RGL1: variants seen among roughly 807,000 people sequenced by gnomAD.
RGL1 encodes the protein ral guanine nucleotide dissociation stimulator like 1, also known as ral guanine nucleotide dissociation stimulator-like 1.
In RGL1, 24 loss-of-function variants were observed where a neutral mutation model predicts 95.2. The ratio of observed to expected loss-of-function variants is 0.25; its 90% CI spans 0.18 to 0.35. The LOEUF is 0.35. RGL1 is among the 10% of genes least tolerant of loss of function. The probability of loss-of-function intolerance (pLI) is 1.00; values close to 1 mark genes in which losing one functional copy is unlikely to be tolerated. For missense variants in RGL1, 715 were observed against 936.3 expected (o/e 0.76, Z 3.08); for synonymous variants, 329 against 344.9 (o/e 0.95, Z 0.51).
At chr1:183,774,525 A>G (rs1452348821) in intron 2 of RGL1, among the ~76,000 whole-genome samples, 1 of 150,308 alleles carries the variant, frequency 6.7e-6, no homozygotes, top group Non-Finnish European at 1.5e-5. Context: ...ATAGAAATTA[A>G]CCCTTCTGGT....
intron 1 of RGL1, among the ~76,000 whole-genome samples, chr1:183,711,404 G>A (rs1232284833): frequency 1.3e-5 from 2 of 152,136 alleles, no homozygotes; most frequent in Admixed American, 1.3e-4. Context: ...TCAGTGAGCA[G>A]TTTTCTGGGA....
intron 1 of RGL1, among the ~76,000 whole-genome samples, chr1:183,707,973 A>T (rs1176288190): frequency 6.6e-6 from 1 of 152,160 alleles, no homozygotes; most frequent in Admixed American, 6.5e-5. Context: ...TTGTGATCTG[A>T]GTGCAAAAAG....
At chr1:183,735,669 A>G (rs1055070943) in intron 1 of RGL1, among the ~76,000 whole-genome samples, 2 of 152,162 alleles carry the variant, frequency 1.3e-5, no homozygotes, top group African/African-American at 4.8e-5. Context: ...ATTGACTCAT[A>G]CCTCCACTTC....
At chr1:183,754,044 A>C (rs1199300605) in intron 2 of RGL1, among the ~76,000 whole-genome samples, 2 of 152,126 alleles carry the variant, frequency 1.3e-5, no homozygotes, top group Non-Finnish European at 2.9e-5. Context: ...ACTACTTGAA[A>C]ATAAATTCTT....
intron 1 of RGL1, among the ~76,000 whole-genome samples, chr1:183,713,376 A>AACCCCCC (rs1553273632): frequency 2.1e-5 from 1 of 48,206 alleles, no homozygotes; most frequent in Non-Finnish European, 3.5e-5. Context: ...ATCTAGAGGC[A>AACCCCCC]CCCCCCCCCC....
chr1:183,725,129 G>A (rs1045236247), intron 1 of RGL1, among the ~76,000 whole-genome samples: 10 of 152,164 alleles, frequency 6.6e-5, no homozygotes, highest in Admixed American at 6.5e-4. Flanking sequence ...ACCTCTATAA[G>A]TCTGCAAGAG....
chr1:183,922,366 C>T, intron 17 of RGL1, 30 bp downstream of exon 17: 2 of 1,535,588 alleles, frequency 1.3e-6, no homozygotes, highest in Non-Finnish European at 1.8e-6. Flanking sequence ...AGGCATGTTC[C>T]TTCCCAGGGC....
intron 2 of RGL1, chr1:183,742,328 G>C (rs1244083788): frequency 3.7e-6 from 6 of 1,612,850 alleles, no homozygotes. Flanking sequence ...TGAAATGTTG[G>C]ATTTGTTTAT....
chr1:183,782,343 G>A (rs1659946474), intron 2 of RGL1, among the ~76,000 whole-genome samples: 1 of 152,048 alleles, frequency 6.6e-6, no homozygotes, highest in Admixed American at 6.5e-5. Flanking sequence ...AATCTTTTTT[G>A]CTACTTCTAA....
At chr1:183,784,546 C>T (rs1660058703) in intron 2 of RGL1, among the ~76,000 whole-genome samples, 1 of 152,184 alleles carries the variant, frequency 6.6e-6, no homozygotes, top group African/African-American at 2.4e-5. Context: ...GTTCAATACT[C>T]CATTCCAGAG....
chr1:183,896,396 C>G (rs1260755770), intron 9 of RGL1, among the ~76,000 whole-genome samples: 2 of 152,148 alleles, frequency 1.3e-5, no homozygotes, highest in Non-Finnish European at 2.9e-5. Flanking sequence ...AATGGGAGAT[C>G]ATTAAATAGT....
intron 1 of RGL1, among the ~76,000 whole-genome samples, chr1:183,732,977 A>T (rs572033403): frequency 8.9e-4 from 136 of 152,314 alleles, no homozygotes; most frequent in African/African-American, 3.2e-3. Flanking sequence ...CTCTAAAATA[A>T]TGCGAGGGTT....
intron 2 of RGL1, among the ~76,000 whole-genome samples, chr1:183,783,968 T>G (rs1177152471): frequency 1.3e-5 from 2 of 152,178 alleles, no homozygotes; most frequent in Non-Finnish European, 2.9e-5. Flanking sequence ...GATGAGATTA[T>G]TCTGAGTGGA....
chr1:183,664,784 C>A (rs1042098251), intron 1 of RGL1, among the ~76,000 whole-genome samples: 3 of 152,022 alleles, frequency 2.0e-5, no homozygotes, highest in African/African-American at 7.2e-5. Flanking sequence ...AGGAGTTTTT[C>A]GGTCAATTCT....
At chr1:183,851,231 T>C (rs555422543) in intron 3 of RGL1, among the ~76,000 whole-genome samples, 1 of 152,332 alleles carries the variant, frequency 6.6e-6, no homozygotes, top group South Asian at 2.1e-4. Flanking sequence ...TTTAATCTCA[T>C]AAACAGATCC....
chr1:183,722,837 A>T (rs1042273879), intron 1 of RGL1, among the ~76,000 whole-genome samples: 1 of 150,764 alleles, frequency 6.6e-6, no homozygotes, highest in Non-Finnish European at 1.5e-5. Flanking sequence ...TTCAGGCAGA[A>T]GGAAAATGAT....
chr1:183,902,829 A>G (rs898034735), intron 12 of RGL1, among the ~76,000 whole-genome samples: 4 of 152,144 alleles, frequency 2.6e-5, no homozygotes, highest in Admixed American at 2.0e-4. Context: ...TCAAGAGATT[A>G]AATTACTGGA....
chr1:183,639,070 A>C (rs1649737716), intron 1 of RGL1, among the ~76,000 whole-genome samples: 1 of 152,210 alleles, frequency 6.6e-6, no homozygotes, highest in Non-Finnish European at 1.5e-5. Context: ...ACTTGAGGTG[A>C]GGAGTTCAAG....
chr1:183,833,967 T>TTTTG, intron 2 of RGL1, among the ~76,000 whole-genome samples: 1 of 151,412 alleles, frequency 6.6e-6, no homozygotes, highest in African/African-American at 2.4e-5. Flanking sequence ...TCTCTCTGTT[T>TTTTG]TTTTTTTTTT....
Sources: gnomAD v4.1 joint callset for allele counts (sites outside exome capture counted in the v4.1 genomes callset) on GRCh38, gnomAD v4.1.1 for gene constraint, MANE v1.5 for transcripts, NCBI Gene and HGNC (gene_info 2026-07-23, HGNC 2026-07-21) for gene names.